TRIM2: variants seen among roughly 807,000 people sequenced by gnomAD.
The protein encoded by TRIM2 is tripartite motif-containing protein 2.
In TRIM2, 20 loss-of-function variants were observed where a neutral mutation model predicts 75.2. That is an observed-to-expected ratio of 0.27 (90% CI 0.19 to 0.39). The LOEUF is 0.39. TRIM2 is among the 10% of genes least tolerant of loss of function. TRIM2 has a pLI of 1.00. For synonymous variants in TRIM2, 373 were observed against 388.3 expected, an observed-to-expected ratio of 0.96 and a Z score of 0.46; for missense variants, 660 against 990.8, an observed-to-expected ratio of 0.67 and a Z score of 4.48.
intron 2 of TRIM2, among the ~76,000 whole-genome samples, chr4:153,270,834 A>T (rs776062721): frequency 1.3e-5 from 2 of 152,194 alleles, no homozygotes; most frequent in African/African-American, 2.4e-5. Flanking sequence ...TCCACAGCAG[A>T]TCCCTACAGA....
rs543751138 is a variant in TRIM2, at chr4:153,305,461, C to T, written c.1510+9425C>T. Reference sequence around the variant, plus strand: ...AATATGGTAGATAAAGAGCTTGTCTCGGTCCCTTTTCTGTTGCTATAACAG... The same window carrying T: ...AATATGGTAGATAAAGAGCTTGTCTTGGTCCCTTTTCTGTTGCTATAACAG... On this transcript the variant is annotated intron_variant, in intron 6 of 11. Coordinates refer to ENST00000338700, the MANE Select transcript of TRIM2 (RefSeq NM_015271.5). Among the ~76,000 whole-genome samples the T allele has an allele frequency of 1.1e-4, 16 of 152,240 alleles. 1 individual carries two copies. In the South Asian group the frequency reaches 1.9e-3, roughly 18 times the overall value.
At chr4:153,230,900 T>A (rs1743441043) in intron 1 of TRIM2, among the ~76,000 whole-genome samples, 1 of 152,200 alleles carries the variant, frequency 6.6e-6, no homozygotes, top group Admixed American at 6.5e-5. Flanking sequence ...AACCTCTCAT[T>A]TGAGCAAGGC....
At chr4:153,202,153 T>G (rs974819222), upstream of TRIM2, among the ~76,000 whole-genome samples, 1 of 152,238 alleles carries the variant, frequency 6.6e-6, no homozygotes, top group African/African-American at 2.4e-5. Flanking sequence ...GGGATTATTA[T>G]TTTTATAATC....
intron 1 of TRIM2, among the ~76,000 whole-genome samples, chr4:153,154,791 G>A (rs1220057057): frequency 6.6e-6 from 1 of 152,170 alleles, no homozygotes; most frequent in Non-Finnish European, 1.5e-5. Flanking sequence ...TGGCCCTGGG[G>A]AAAGATTGAT....
intron 4 of TRIM2, 41 bp downstream of exon 4, chr4:153,293,174 C>T (rs1762160269): frequency 6.3e-7 from 1 of 1,575,292 alleles, no homozygotes; most frequent in Middle Eastern, 2.1e-4. Context: ...GCTGCCTGTA[C>T]TTGAGGCCTG....
At chr4:153,161,897 A>C (rs1227967508) in intron 1 of TRIM2, among the ~76,000 whole-genome samples, 1 of 152,196 alleles carries the variant, frequency 6.6e-6, no homozygotes, top group East Asian at 1.9e-4. Flanking sequence ...TTCACTGGAA[A>C]CTTCCATCCA....
At chr4:153,175,691 A>G (rs1000835410) in intron 1 of TRIM2, among the ~76,000 whole-genome samples, 2 of 152,190 alleles carry the variant, frequency 1.3e-5, no homozygotes, top group Admixed American at 6.5e-5. Flanking sequence ...ATACTCTCTT[A>G]AAAAGTGATA....
At chr4:153,281,354 G>T (rs553407664) in intron 3 of TRIM2, among the ~76,000 whole-genome samples, 1 of 152,188 alleles carries the variant, frequency 6.6e-6, no homozygotes, top group Non-Finnish European at 1.5e-5. Context: ...TAGCTAGAGC[G>T]GAAGATAAAG....
chr4:153,256,232 G>A (rs376803783), intron 1 of TRIM2, among the ~76,000 whole-genome samples: 5 of 152,194 alleles, frequency 3.3e-5, no homozygotes, highest in African/African-American at 1.2e-4. Context: ...TGGCATGTAT[G>A]TGCATTTCTG....
intron 1 of TRIM2, among the ~76,000 whole-genome samples, chr4:153,236,040 G>A (rs923088249): frequency 6.6e-6 from 1 of 152,048 alleles, no homozygotes; most frequent in Non-Finnish European, 1.5e-5. Flanking sequence ...TCATGATTGT[G>A]AGAGAGTTCT....
chr4:153,334,967 T>C lies in TRIM2; in HGVS notation c.*1T>C. The C allele has an allele frequency of 1.2e-6, 2 of 1,611,772 alleles. No individual in the cohort carries two copies. Among genetic ancestry groups the C allele is most frequent in the East Asian group, 2.2e-5 (1 of 44,848 alleles). On this transcript the variant is annotated 3_prime_UTR_variant, in exon 12 of 12. Transcript: ENST00000338700. ...CAAAGTCTATCGATACTTACAGTAA[T>C]GGTGGGCAGGTGGATACCCGCTTCC...
At chr4:153,321,102 G>A (rs1768875460) in intron 8 of TRIM2, among the ~76,000 whole-genome samples, 1 of 152,232 alleles carries the variant, frequency 6.6e-6, no homozygotes, top group Non-Finnish European at 1.5e-5. Context: ...GCGTCATCAA[G>A]TTTTCACTTC....
intron 1 of TRIM2, among the ~76,000 whole-genome samples, chr4:153,196,181 G>A (rs981300253): frequency 8.5e-5 from 13 of 152,138 alleles, no homozygotes; most frequent in Admixed American, 8.5e-4. Context: ...ATCCCAGCAC[G>A]TCGGGAGGCT....
chr4:153,246,087 T>C (rs547716708), intron 1 of TRIM2, among the ~76,000 whole-genome samples: 20 of 152,322 alleles, frequency 1.3e-4, no homozygotes, highest in Non-Finnish European at 1.3e-4. Flanking sequence ...ACTGGCCCTT[T>C]ACAGAAAAGG....
Position 153,336,952 on chromosome 4 carries a change from A to C in TRIM2, c.*1986A>C. ...CTGTTTCCTAACATCAGTGAGATAC[A>C]TCTTTGAATTTAAACATTCATATTT... On this transcript the variant is annotated 3_prime_UTR_variant, in exon 12 of 12. Transcript: ENST00000338700. The C allele has an allele frequency of 1.0e-6, 1 of 984,340 alleles. No homozygotes were observed. Among genetic ancestry groups the C allele is most frequent in the Non-Finnish European group, 1.2e-6 (1 of 828,910 alleles). The allele number at this position is 984,340 out of a possible 1,614,324, so 61.0% of individuals were successfully genotyped here. A position where few individuals can be genotyped will look rare whatever the true frequency, so the allele number is the denominator to read the frequency against.
chr4:153,186,700 T>C (rs1177759684), intron 1 of TRIM2, among the ~76,000 whole-genome samples: 1 of 152,204 alleles, frequency 6.6e-6, no homozygotes, highest in Non-Finnish European at 1.5e-5. Flanking sequence ...TTCCCACGCC[T>C]GCACCATTAT....
intron 3 of TRIM2, among the ~76,000 whole-genome samples, chr4:153,289,811 G>A (rs1761458965): frequency 6.6e-6 from 1 of 152,208 alleles, no homozygotes; most frequent in African/African-American, 2.4e-5. Flanking sequence ...AGGCTAGATT[G>A]GTTTGGGAAG....
intron 1 of TRIM2, among the ~76,000 whole-genome samples, chr4:153,244,144 GTT>G (rs1747500572): frequency 7.7e-6 from 1 of 130,092 alleles, no homozygotes; most frequent in African/African-American, 3.1e-5. Context: ...TCTTCTTCTT[GTT>G]CTTCTTGTTC....
At chr4:153,276,346 C>T (rs544794621) in intron 3 of TRIM2, 2 of 590,984 alleles carry the variant, frequency 3.4e-6, no homozygotes, top group Non-Finnish European at 6.0e-6. Flanking sequence ...CTCCTTCACA[C>T]ATATTGTTGG....
Sources: gnomAD v4.1 joint callset for allele counts (sites outside exome capture counted in the v4.1 genomes callset) on GRCh38, gnomAD v4.1.1 for gene constraint, MANE v1.5 for transcripts, NCBI Gene and HGNC (gene_info 2026-07-23, HGNC 2026-07-21) for gene names.